CCDC60: variants seen among roughly 807,000 people sequenced by gnomAD.
CCDC60 encodes the protein coiled-coil domain containing 60, also known as coiled-coil domain-containing protein 60.
Under a neutral mutation model 63.5 loss-of-function variants are expected in CCDC60, and 54 were observed. The observed-to-expected ratio is 0.85, with a 90% CI of 0.68 to 1.07. CCDC60 has a LOEUF of 1.07. Ranked by LOEUF, CCDC60 falls within the 50% of genes least tolerant of loss-of-function variation. CCDC60 has a pLI of 0.00. For synonymous variants in CCDC60, 206 were observed against 238.8 expected (o/e 0.86, Z 1.27); for missense variants, 651 against 684.3 (o/e 0.95, Z 0.54).
chr12:119,340,269 T>C (rs2136141613), intron 1 of CCDC60, among the ~76,000 whole-genome samples: 1 of 152,292 alleles, frequency 6.6e-6, no homozygotes, highest in South Asian at 2.1e-4. Flanking sequence ...TTAATGTGGG[T>C]AATGCTGTTA....
intron 7 of CCDC60, among the ~76,000 whole-genome samples, chr12:119,510,632 A>G (rs983148268): frequency 6.6e-6 from 1 of 152,188 alleles, no homozygotes; most frequent in African/African-American, 2.4e-5. Flanking sequence ...TTTTGTACAG[A>G]TTAAAGAAGA....
At chr12:119,381,557 A>G (rs1031192431) in intron 1 of CCDC60, among the ~76,000 whole-genome samples, 2 of 152,148 alleles carry the variant, frequency 1.3e-5, no homozygotes, top group African/African-American at 4.8e-5. Context: ...ATATCCTGAT[A>G]CTCAGACTCA....
intron 3 of CCDC60, among the ~76,000 whole-genome samples, chr12:119,472,411 G>C (rs1951082621): frequency 6.6e-6 from 1 of 151,978 alleles, no homozygotes; most frequent in Non-Finnish European, 1.5e-5. Context: ...ATACTTCCTG[G>C]ATTTCAGTCC....
At chr12:119,519,414 T>C (rs1262105044) in intron 8 of CCDC60, among the ~76,000 whole-genome samples, 2 of 137,494 alleles carry the variant, frequency 1.5e-5, no homozygotes, top group African/African-American at 2.9e-5. Flanking sequence ...TGTGTGTGTG[T>C]GTGTGTGTGT....
rs76121425 is a variant in CCDC60, at chr12:119,494,324, A to T, written c.557+5458A>T. On this transcript the variant is annotated intron_variant, in intron 5 of 13. Coordinates refer to ENST00000327554, the MANE Select transcript of CCDC60 (RefSeq NM_178499.5). ...CCCCTGGCCAAAGAAGGGAGTGAAG[A>T]GTTACCTACTAACCTTCCAGCAGGT... 4.6e-3 allele frequency among the ~76,000 whole-genome samples: 706 copies of T among 152,328 alleles called. 6 individuals carry two copies. The highest frequency in any genetic ancestry group is 0.016 in the African/African-American group (666 of 41,584).
intron 1 of CCDC60, among the ~76,000 whole-genome samples, chr12:119,349,785 C>T (rs1294275730): frequency 1.3e-5 from 2 of 152,170 alleles, no homozygotes; most frequent in East Asian, 3.9e-4. Context: ...TCAGTAATCA[C>T]GAATATACCC....
intron 1 of CCDC60, among the ~76,000 whole-genome samples, chr12:119,412,640 C>T (rs1028601574): frequency 6.6e-6 from 1 of 152,048 alleles, no homozygotes; most frequent in Non-Finnish European, 1.5e-5. Flanking sequence ...GCTGGGTGAC[C>T]TCTGGCAAGT....
chr12:119,491,080 A>G (rs941755534), intron 5 of CCDC60, among the ~76,000 whole-genome samples: 3 of 152,340 alleles, frequency 2.0e-5, no homozygotes, highest in Admixed American at 2.0e-4. Context: ...ACATTTTTTA[A>G]CAGAAATAGG....
Position 119,505,117 on chromosome 12 carries a change from A to G in CCDC60, c.697A>G (p.Ser233Gly). 1 of 1,612,146 alleles carries G rather than the reference A, an allele frequency of 6.2e-7. No homozygotes were observed. The highest frequency in any genetic ancestry group is 8.5e-7 in the Non-Finnish European group (1 of 1,178,676). ...AATGCGAGTCACCAACCGCAAACCAAGCCGGCGAGGCTCCACACTCAGTCT... is the reference window on the plus strand; with the variant it reads ...AATGCGAGTCACCAACCGCAAACCAGGCCGGCGAGGCTCCACACTCAGTCT... ...PTMRVTNRKP[S>G]RRGSTLSLSR... Residue 233 changes from serine to glycine, a missense_variant, in exon 7 of 14, where the codon AGC becomes GGC. By Grantham distance (56) the Ser-to-Gly change is moderately conservative. Transcript: ENST00000327554.
chr12:119,438,221 G>A (rs1370340430), intron 2 of CCDC60, among the ~76,000 whole-genome samples: 1 of 152,170 alleles, frequency 6.6e-6, no homozygotes, highest in East Asian at 1.9e-4. Flanking sequence ...TCTCCTGAGG[G>A]TAAATATCTT....
chr12:119,346,235 A>C (rs1049021157), intron 1 of CCDC60, among the ~76,000 whole-genome samples: 5 of 151,086 alleles, frequency 3.3e-5, no homozygotes, highest in African/African-American at 1.2e-4. Flanking sequence ...ATGGCACTTG[A>C]AAAAAAAATG....
chr12:119,349,667 AC>A (rs1955634976), intron 1 of CCDC60, among the ~76,000 whole-genome samples: 2 of 152,102 alleles, frequency 1.3e-5, no homozygotes, highest in Middle Eastern at 3.4e-3. Context: ...CACCCTGTTC[AC>A]CCCAGTAGTC....
At chr12:119,481,290 G>C (rs553395844) in intron 4 of CCDC60, among the ~76,000 whole-genome samples, 8 of 152,278 alleles carry the variant, frequency 5.3e-5, no homozygotes, top group African/African-American at 1.9e-4. Context: ...AATTTCTCAT[G>C]ATGTCTCTTC....
At chr12:119,537,377 G>T (rs145786571) in intron 13 of CCDC60, among the ~76,000 whole-genome samples, 50 of 152,328 alleles carry the variant, frequency 3.3e-4, no homozygotes, top group Middle Eastern at 3.4e-3. Context: ...GCTTGGAGAA[G>T]TTTGTTATTA....
At chr12:119,513,028 G>A (rs1004377018) in intron 7 of CCDC60, among the ~76,000 whole-genome samples, 1 of 152,188 alleles carries the variant, frequency 6.6e-6, no homozygotes, top group East Asian at 1.9e-4. Flanking sequence ...AAATTCTGGT[G>A]TAGTCACAGT....
chr12:119,470,657 A>G (rs1951039983), intron 2 of CCDC60, among the ~76,000 whole-genome samples: 1 of 152,180 alleles, frequency 6.6e-6, no homozygotes, highest in African/African-American at 2.4e-5. Flanking sequence ...TGCAAAACCG[A>G]GCACAAGAGA....
Position 119,335,235 on chromosome 12 carries a change from G to T in CCDC60, c.59G>T (p.Arg20Leu). The T allele has an allele frequency of 6.2e-7, 1 of 1,604,118 alleles. No individual in the cohort carries two copies. The highest frequency in any genetic ancestry group is 8.5e-7 in the Non-Finnish European group (1 of 1,175,792). ...AGTTCCCCCAACTCGGGGGCTGTCC[G>T]GCCCTTTTATGCCTCGGAGAACCTA... ...LQSSPNSGAV[R>L]PFYASENLRQ... The change falls in exon 1 of 14, where the codon CGG (arginine) becomes CTG (leucine). Residue 20 changes from arginine (R) to leucine (L), a missense_variant. By Grantham distance (102) the Arg-to-Leu change is moderately radical. Transcript: ENST00000327554.
At chr12:119,479,995 TACACACACACACACACACACACACAC>T (rs56080581) in intron 4 of CCDC60, among the ~76,000 whole-genome samples, 3 of 121,974 alleles carry the variant, frequency 2.5e-5, no homozygotes, top group Admixed American at 1.7e-4. Flanking sequence ...CCGTACATCA[TACACACACACACACACACACACACAC>T]ACACACACAC....
chr12:119,520,465 T>C (rs530384168), intron 9 of CCDC60, among the ~76,000 whole-genome samples: 1 of 152,286 alleles, frequency 6.6e-6, no homozygotes, highest in South Asian at 2.1e-4. Context: ...ACTATGTCTC[T>C]TTCTCTCTAC....
Sources: allele counts gnomAD v4.1 joint callset (sites outside exome capture counted in the v4.1 genomes callset), GRCh38; gene constraint gnomAD v4.1.1; transcripts MANE v1.5; gene names NCBI Gene and HGNC (gene_info 2026-07-23, HGNC 2026-07-21).